Variants in MVB12B observed in about 807,000 individuals in gnomAD.
The protein encoded by MVB12B is ESCRT-I complex subunit MVB12B.
In MVB12B, 16 loss-of-function variants were observed where a neutral mutation model predicts 41.6. The observed-to-expected ratio is 0.38, with a 90% CI of 0.26 to 0.58. The LOEUF (loss-of-function observed/expected upper bound fraction) is 0.58. Ranked by LOEUF, MVB12B falls within the 20% of genes least tolerant of loss-of-function variation. MVB12B has a pLI of 0.62. For synonymous variants in MVB12B, 133 were observed against 139.7 expected (o/e 0.95, Z 0.34); for missense variants, 274 against 380.2 (o/e 0.72, Z 2.32).
intron 7 of MVB12B, chr9:126,481,105 G>A (rs975561508): frequency 4.5e-5 from 22 of 485,452 alleles, no homozygotes; most frequent in Middle Eastern, 5.4e-4. Flanking sequence ...TGGACCAGCC[G>A]CTCTCTGCTC....
chr9:126,390,591 C>T (rs1453164221), intron 4 of MVB12B, among the ~76,000 whole-genome samples: 1 of 152,136 alleles, frequency 6.6e-6, no homozygotes, highest in Non-Finnish European at 1.5e-5. Context: ...TTTTCCTATA[C>T]AAAACTTATT....
intron 2 of MVB12B, among the ~76,000 whole-genome samples, chr9:126,368,384 A>G (rs1370076129): frequency 6.6e-6 from 1 of 152,220 alleles, no homozygotes; most frequent in Admixed American, 6.5e-5. Context: ...CCCAGATTCC[A>G]GCCAGGAAGG....
chr9:126,427,501 A>G (rs992219064), intron 7 of MVB12B, among the ~76,000 whole-genome samples: 9 of 152,156 alleles, frequency 5.9e-5, no homozygotes, highest in African/African-American at 2.2e-4. Context: ...GGTTTTGCTT[A>G]ACAAACGGGA....
At chr9:126,347,400 A>G (rs1356461007) in intron 2 of MVB12B, among the ~76,000 whole-genome samples, 1 of 152,208 alleles carries the variant, frequency 6.6e-6, no homozygotes, top group Non-Finnish European at 1.5e-5. Flanking sequence ...TTTATTTCTG[A>G]AACTAATTAG....
Position 126,391,927 on chromosome 9 carries a change from G to A in MVB12B, c.410-139G>A, listed in dbSNP as rs1251725706. On this transcript the variant is annotated intron_variant, in intron 4 of 9. Transcript: ENST00000361171. The surrounding 1 kb of genome is among the most constrained non-coding windows in gnomAD (Gnocchi z 4.4). ...CCCCGGGGAAGGCAGGCGGCAGAGCGCAGCCCTTCTGTCCAGCAGCTTAGG... is the reference window on the plus strand; with the variant it reads ...CCCCGGGGAAGGCAGGCGGCAGAGCACAGCCCTTCTGTCCAGCAGCTTAGG... 31 of 989,944 alleles carry A rather than the reference G, an allele frequency of 3.1e-5. No homozygotes were observed. Among genetic ancestry groups the A allele is most frequent in the Non-Finnish European group, 4.3e-5 (28 of 648,844 alleles). 61.3% of individuals were successfully genotyped at this position (989,944 alleles called of 1,614,324 possible).
At chr9:126,357,091 G>C (rs1284807500) in intron 2 of MVB12B, among the ~76,000 whole-genome samples, 1 of 152,170 alleles carries the variant, frequency 6.6e-6, no homozygotes, top group Non-Finnish European at 1.5e-5. Context: ...TGTCACTGTA[G>C]TCTAGGTTGC....
intron 7 of MVB12B, among the ~76,000 whole-genome samples, chr9:126,428,167 G>A (rs184194074): frequency 4.6e-5 from 7 of 152,200 alleles, no homozygotes; most frequent in Admixed American, 3.9e-4. Flanking sequence ...ACTCAGAACC[G>A]TGGGTGAGCC....
At chr9:126,502,973 G>A (rs1269928261) in intron 9 of MVB12B, among the ~76,000 whole-genome samples, 2 of 152,348 alleles carry the variant, frequency 1.3e-5, no homozygotes, top group Non-Finnish European at 2.9e-5. Flanking sequence ...CCCCGCAGGC[G>A]TGTCCACGCA....
intron 2 of MVB12B, among the ~76,000 whole-genome samples, chr9:126,351,089 A>G (rs1576465): frequency 0.79 from 120,399 of 152,210 alleles, 47,710 homozygotes; most frequent in East Asian, 0.82. Flanking sequence ...TTCAGCAAAC[A>G]AGCTCTATAA....
intron 8 of MVB12B, among the ~76,000 whole-genome samples, chr9:126,481,876 G>A (rs1442755727): frequency 6.6e-6 from 1 of 152,234 alleles, no homozygotes; most frequent in Non-Finnish European, 1.5e-5. Flanking sequence ...ATTTCCTGTA[G>A]AAAGGAGGCT....
At chr9:126,365,584 G>A (rs887442934) in intron 2 of MVB12B, among the ~76,000 whole-genome samples, 13 of 151,688 alleles carry the variant, frequency 8.6e-5, no homozygotes, top group East Asian at 3.9e-4. Context: ...CAGATGATCC[G>A]CCTGCCTTGG....
chr9:126,407,378 C>T (rs757724643), intron 6 of MVB12B, among the ~76,000 whole-genome samples: 1 of 152,196 alleles, frequency 6.6e-6, no homozygotes, highest in Non-Finnish European at 1.5e-5. Context: ...CAGCACACAA[C>T]GAGTGGGAGC....
At chr9:126,502,746 A>C (rs777020861) in intron 9 of MVB12B, among the ~76,000 whole-genome samples, 82 of 152,216 alleles carry the variant, frequency 5.4e-4, no homozygotes, top group Non-Finnish European at 1.0e-3. Context: ...AGAGCCTGGC[A>C]GCTGAGACCA....
intron 7 of MVB12B, among the ~76,000 whole-genome samples, chr9:126,424,791 C>T (rs772586248): frequency 1.3e-5 from 2 of 152,038 alleles, no homozygotes; most frequent in Non-Finnish European, 2.9e-5. Flanking sequence ...CTAATCCAAA[C>T]GGCCACGGCC....
intron 7 of MVB12B, among the ~76,000 whole-genome samples, chr9:126,475,699 CCT>C (rs1213526825): frequency 1.3e-5 from 2 of 152,056 alleles, no homozygotes; most frequent in East Asian, 3.9e-4. Context: ...CCTATCACCT[CCT>C]CTTTCTTTCC....
chr9:126,360,658 A>G (rs970005320), intron 2 of MVB12B, among the ~76,000 whole-genome samples: 2 of 152,216 alleles, frequency 1.3e-5, no homozygotes, highest in Non-Finnish European at 2.9e-5. Flanking sequence ...TGTTCTATCA[A>G]TTATTAAGAG....
At chr9:126,381,237 T>C in intron 3 of MVB12B, 66 bp downstream of exon 3, 1 of 1,164,316 alleles carries the variant, frequency 8.6e-7, no homozygotes, top group South Asian at 1.3e-5. Context: ...GTTTGGAATT[T>C]CCTCATTTTG....
chr9:126,451,725 TG>T (rs1292566373), intron 7 of MVB12B, among the ~76,000 whole-genome samples: 1 of 152,168 alleles, frequency 6.6e-6, no homozygotes, highest in African/African-American at 2.4e-5. Flanking sequence ...ACAAGGGTCC[TG>T]GGTGGGTGCC....
At chr9:126,400,183 C>A (rs1831230439) in intron 6 of MVB12B, among the ~76,000 whole-genome samples, 1 of 152,134 alleles carries the variant, frequency 6.6e-6, no homozygotes, top group South Asian at 2.1e-4. Flanking sequence ...GACAGGCCAG[C>A]CTGCTGCAGA....
Sources: allele counts gnomAD v4.1 joint callset (sites outside exome capture counted in the v4.1 genomes callset), GRCh38; gene constraint gnomAD v4.1.1; non-coding constraint Gnocchi (gnomAD v3.1); transcripts MANE v1.5; gene names NCBI Gene and HGNC (gene_info 2026-07-23, HGNC 2026-07-21).